Variants in STK33 observed in about 807,000 individuals in gnomAD.
STK33 encodes the protein serine/threonine-protein kinase 33.
STK33 carries 52 observed loss-of-function variants against 58.0 expected under a neutral mutation model. The observed-to-expected ratio is 0.90, with a 90% CI of 0.72 to 1.13. The LOEUF is 1.13. Ranked by LOEUF, STK33 falls within the 50% of genes most tolerant of loss-of-function variation. STK33 has a pLI of 0.00. For missense variants in STK33, 630 were observed against 604.2 expected, an observed-to-expected ratio of 1.04 and a Z score of -0.45; for synonymous variants, 215 against 200.1, an observed-to-expected ratio of 1.07 and a Z score of -0.63.
At chr11:8,468,139 G>C (rs534986594) in intron 6 of STK33, among the ~76,000 whole-genome samples, 1 of 152,278 alleles carries the variant, frequency 6.6e-6, no homozygotes, top group Admixed American at 6.5e-5. Flanking sequence ...CATGGCAGAA[G>C]GCAAGGAGGA....
At chr11:8,538,228 T>C (rs1955211032) in intron 1 of STK33, among the ~76,000 whole-genome samples, 1 of 152,068 alleles carries the variant, frequency 6.6e-6, no homozygotes, top group Admixed American at 6.6e-5. Flanking sequence ...AATACTTAAA[T>C]AGCATGATGT....
chr11:8,384,076 G>C, the STK33 span, among the ~76,000 whole-genome samples: 5 of 152,216 alleles, frequency 3.3e-5, no homozygotes, highest in African/African-American at 1.2e-4. Flanking sequence ...CGAGGCAAGA[G>C]AGTGAAGGCA....
chr11:8,382,683 C>T, the STK33 span, among the ~76,000 whole-genome samples: 2 of 152,178 alleles, frequency 1.3e-5, no homozygotes, highest in Non-Finnish European at 2.9e-5. Flanking sequence ...GGTTGCCAAA[C>T]CTCTCCTGTT....
At chr11:8,593,105 A>C (rs184002055) in intron 1 of STK33, among the ~76,000 whole-genome samples, 2 of 152,216 alleles carry the variant, frequency 1.3e-5, no homozygotes, top group Non-Finnish European at 2.9e-5. Flanking sequence ...AAGATTTCTG[A>C]TTTGCAAACT....
rs35493333 is a variant in STK33, at chr11:8,526,828, C to CAAA, written c.-465-46217_-465-46215dup. Reference sequence around the variant, plus strand: ...GATGAATATTACAAATGATACTGAGCAAAAAAAAAAAACCCAGACAAAAAT... The same window carrying CAAA: ...GATGAATATTACAAATGATACTGAGCAAAAAAAAAAAAAAACCCAGACAAAAAT... On this transcript the variant is annotated intron_variant, in intron 1 of 15. Transcript: ENST00000687296. 8.7e-4 allele frequency among the ~76,000 whole-genome samples: 115 copies of CAAA among 131,960 alleles called. 1 individual carries two copies. The highest frequency in any genetic ancestry group is 2.5e-3 in the African/African-American group (88 of 35,664). The allele number at this position is 131,960 out of a possible 152,430, so 86.6% of individuals were successfully genotyped here.
chr11:8,526,442 G>C (rs892378945), intron 1 of STK33, among the ~76,000 whole-genome samples: 3 of 151,594 alleles, frequency 2.0e-5, no homozygotes, highest in African/African-American at 7.3e-5. Flanking sequence ...AGACTATTTA[G>C]CATTATCTAT....
intron 2 of STK33, among the ~76,000 whole-genome samples, chr11:8,477,600 A>G (rs1488190196): frequency 1.3e-5 from 2 of 152,180 alleles, no homozygotes; most frequent in African/African-American, 4.8e-5. Flanking sequence ...TTCAAGGTTT[A>G]CAAATATATA....
intron 1 of STK33, among the ~76,000 whole-genome samples, chr11:8,547,079 T>C (rs1240501985): frequency 3.3e-5 from 5 of 152,248 alleles, no homozygotes; most frequent in Admixed American, 2.0e-4. Flanking sequence ...TAGCATCTGT[T>C]ACTTTTCCTT....
intron 12 of STK33, among the ~76,000 whole-genome samples, chr11:8,440,371 A>G (rs575382922): frequency 6.6e-6 from 1 of 152,276 alleles, no homozygotes; most frequent in Non-Finnish European, 1.5e-5. Context: ...GAGAAAACAC[A>G]AAGAAGCTTT....
chr11:8,545,811 T>G (rs976731895), intron 1 of STK33, among the ~76,000 whole-genome samples: 2 of 152,180 alleles, frequency 1.3e-5, no homozygotes, highest in East Asian at 3.8e-4. Context: ...ACCTCCTAAT[T>G]TCAAAATACA....
At chr11:8,561,198 A>T (rs1957088794) in intron 1 of STK33, among the ~76,000 whole-genome samples, 1 of 151,976 alleles carries the variant, frequency 6.6e-6, no homozygotes, top group Non-Finnish European at 1.5e-5. Flanking sequence ...CACTTAGATG[A>T]TTAATTTTAC....
At chr11:8,593,306 T>C (rs1376375973) in intron 1 of STK33, among the ~76,000 whole-genome samples, 2 of 152,180 alleles carry the variant, frequency 1.3e-5, no homozygotes, top group Admixed American at 6.5e-5. Flanking sequence ...GACTATCCTA[T>C]TTTCTGGTTG....
chr11:8,444,944 G>C (rs1377907695), intron 11 of STK33, among the ~76,000 whole-genome samples: 1 of 152,168 alleles, frequency 6.6e-6, no homozygotes, highest in African/African-American at 2.4e-5. Context: ...ATGGTAGCTT[G>C]ATGGGGATAG....
rs557014686 is a variant in STK33 at position 8,523,289 on chromosome 11, C to A, written c.-465-42675G>T. 6.6e-5 allele frequency among the ~76,000 whole-genome samples: 10 copies of A among 151,514 alleles called. No homozygotes were observed. The South Asian group carries it at 1.9e-3, about 29-fold the overall frequency. On this transcript the variant is annotated intron_variant, in intron 1 of 15. Coordinates refer to ENST00000687296, the MANE Select transcript of STK33 (RefSeq NM_001352389.2). ...TGTGAGGAGCCCCTCTGCCCAGCCG[C>A]CCAGTCTGGGAAGTGAGGAGTGCCT...
the STK33 span, among the ~76,000 whole-genome samples, chr11:8,359,250 T>C: frequency 3.9e-5 from 6 of 152,230 alleles, no homozygotes; most frequent in Non-Finnish European, 1.5e-5. Context: ...GGCAGAAGAC[T>C]GACTGCTAGT....
chr11:8,457,587 T>C (rs1947028743), intron 8 of STK33, 108 bp from the exon 9 acceptor site: 1 of 975,476 alleles, frequency 1.0e-6, no homozygotes, highest in Non-Finnish European at 1.5e-6. Context: ...AATTTATTCA[T>C]TCAAAAGTAT....
At chr11:8,378,167 C>T in the STK33 span, among the ~76,000 whole-genome samples, 1 of 152,324 alleles carries the variant, frequency 6.6e-6, no homozygotes, top group East Asian at 1.9e-4. Context: ...GAAGGAGAAG[C>T]AAATGCATCC....
chr11:8,517,605 G>A lies in STK33; in HGVS notation c.-465-36991C>T, dbSNP rs180749451. On this transcript the variant is annotated intron_variant, in intron 1 of 15. Transcript: ENST00000687296. ...TAAAAACCTTGAAAAAAGATTAGAC[G>A]AATGGCTAACTAGAATAAACAGTGC... 1.3e-3 allele frequency among the ~76,000 whole-genome samples: 200 copies of A among 152,258 alleles called. 6 individuals carry two copies. In the East Asian group the frequency reaches 0.03, roughly 23 times the overall value.
At chr11:8,352,010 G>A in the STK33 span, among the ~76,000 whole-genome samples, 2 of 152,326 alleles carry the variant, frequency 1.3e-5, no homozygotes, top group Non-Finnish European at 2.9e-5. Context: ...AGGGCCTGAC[G>A]TGGCCTCTGT....
Sources: allele counts gnomAD v4.1 joint callset (sites outside exome capture counted in the v4.1 genomes callset), GRCh38; gene constraint gnomAD v4.1.1; transcripts MANE v1.5; gene names NCBI Gene and HGNC (gene_info 2026-07-23, HGNC 2026-07-21).